CCSER1: variants seen among roughly 807,000 people sequenced by gnomAD.
CCSER1 encodes coiled-coil serine rich protein 1.
In CCSER1, 41 loss-of-function variants were observed where a neutral mutation model predicts 82.0. That is an observed-to-expected ratio of 0.50 (90% CI 0.39 to 0.65). The LOEUF is 0.65. CCSER1 is among the 30% of genes least tolerant of loss of function. The probability of loss-of-function intolerance (pLI) is 0.00; values close to 1 mark genes in which losing one functional copy is unlikely to be tolerated. For synonymous variants in CCSER1, 414 were observed against 383.9 expected (o/e 1.08, Z -0.92); for missense variants, 1,119 against 1,064.2 (o/e 1.05, Z -0.72).
chr4:90,784,948 C>T (rs1056487283), intron 7 of CCSER1, among the ~76,000 whole-genome samples: 3 of 152,114 alleles, frequency 2.0e-5, no homozygotes, highest in East Asian at 1.9e-4. Context: ...TCTTCATCCT[C>T]GTCACATTGA....
chr4:90,271,637 G>A (rs1409085116), intron 1 of CCSER1, among the ~76,000 whole-genome samples: 1 of 151,206 alleles, frequency 6.6e-6, no homozygotes, highest in African/African-American at 2.4e-5. Flanking sequence ...AAAAGTGGAC[G>A]AATGAGATCA....
rs984396701 is a variant in CCSER1, at chr4:90,537,744, T to A, written c.1724+69390T>A. On this transcript the variant is annotated intron_variant, in intron 5 of 10. Transcript: ENST00000509176. Reference sequence around the variant, plus strand: ...GGGGTTTTATACAACAGTGCTAGTTTAGTTGTTCCTTCTTCTTTCAATATA... The same window carrying A: ...GGGGTTTTATACAACAGTGCTAGTTAAGTTGTTCCTTCTTCTTTCAATATA... Among the ~76,000 whole-genome samples the A allele has an allele frequency of 3.3e-5, 5 of 152,174 alleles. No homozygotes were observed. The East Asian group carries it at 9.6e-4, about 29-fold the overall frequency.
intron 10 of CCSER1, among the ~76,000 whole-genome samples, chr4:91,526,976 C>T (rs1760799083): frequency 6.6e-6 from 1 of 152,016 alleles, no homozygotes; most frequent in Admixed American, 6.6e-5. Flanking sequence ...GTCATTAGGC[C>T]AGCTCTGAGA....
At chr4:90,195,663 G>C (rs543594094) in intron 1 of CCSER1, among the ~76,000 whole-genome samples, 1 of 152,112 alleles carries the variant, frequency 6.6e-6, no homozygotes, top group African/African-American at 2.4e-5. Flanking sequence ...GGGTATATGG[G>C]AAATCTCTAT....
chr4:90,923,879 T>A (rs1438619016), intron 9 of CCSER1, among the ~76,000 whole-genome samples: 1 of 152,228 alleles, frequency 6.6e-6, no homozygotes, highest in Non-Finnish European at 1.5e-5. Flanking sequence ...AAATTTAAAA[T>A]AATGTTTTAG....
intron 10 of CCSER1, among the ~76,000 whole-genome samples, chr4:91,415,465 AG>A (rs1196840753): frequency 6.6e-6 from 1 of 152,074 alleles, no homozygotes; most frequent in Non-Finnish European, 1.5e-5. Flanking sequence ...AAGCATGGTA[AG>A]GGAGGGCATC....
intron 7 of CCSER1, among the ~76,000 whole-genome samples, chr4:90,795,581 A>G (rs1043233943): frequency 6.6e-6 from 1 of 152,154 alleles, no homozygotes; most frequent in African/African-American, 2.4e-5. Flanking sequence ...CTGGTTTTTC[A>G]GGAGAATGCT....
At chr4:91,538,214 C>T (rs1761395550) in intron 10 of CCSER1, among the ~76,000 whole-genome samples, 2 of 151,906 alleles carry the variant, frequency 1.3e-5, no homozygotes, top group African/African-American at 4.8e-5. Flanking sequence ...AAAAGATGAA[C>T]TTCATAGATA....
At chr4:91,226,997 C>T (rs146084276) in intron 10 of CCSER1, among the ~76,000 whole-genome samples, 26 of 151,958 alleles carry the variant, frequency 1.7e-4, no homozygotes, top group African/African-American at 5.5e-4. Context: ...AATTGATCCA[C>T]ATCTATTAGC....
chr4:90,839,164 C>T, intron 8 of CCSER1: 1 of 742,576 alleles, frequency 1.3e-6, no homozygotes. Context: ...TTGCTAACTT[C>T]TTTGAGAAAT....
chr4:91,534,344 G>C (rs942172140), intron 10 of CCSER1, among the ~76,000 whole-genome samples: 5 of 151,844 alleles, frequency 3.3e-5, no homozygotes, highest in Non-Finnish European at 5.9e-5. Flanking sequence ...AAGTTATAAT[G>C]GTTTTAAGTA....
chr4:90,501,699 G>A (rs116590788), intron 5 of CCSER1, among the ~76,000 whole-genome samples: 1,779 of 152,218 alleles, frequency 0.012, 13 homozygotes, highest in South Asian at 0.022. Context: ...CTATGTTGTT[G>A]TGGAAAACAT....
chr4:91,356,919 C>A (rs1748873910), intron 10 of CCSER1, among the ~76,000 whole-genome samples: 1 of 152,144 alleles, frequency 6.6e-6, no homozygotes, highest in South Asian at 2.1e-4. Flanking sequence ...CCATACAGCC[C>A]ACGCCTGGTC....
chr4:91,260,482 T>C (rs1006808716), intron 10 of CCSER1, among the ~76,000 whole-genome samples: 1 of 152,204 alleles, frequency 6.6e-6, no homozygotes, highest in Non-Finnish European at 1.5e-5. Context: ...TCCCACTGTA[T>C]AGATGAAGCA....
intron 5 of CCSER1, among the ~76,000 whole-genome samples, chr4:90,531,403 T>C (rs1267641950): frequency 6.6e-6 from 1 of 151,744 alleles, no homozygotes; most frequent in Non-Finnish European, 1.5e-5. Flanking sequence ...TTTCTTTTTT[T>C]TTTTTTTTTT....
intron 1 of CCSER1, among the ~76,000 whole-genome samples, chr4:90,233,818 A>G (rs1404578721): frequency 1.3e-5 from 2 of 152,110 alleles, no homozygotes; most frequent in Admixed American, 1.3e-4. Flanking sequence ...TTCTATTAAT[A>G]TGTTTCAATA....
intron 10 of CCSER1, among the ~76,000 whole-genome samples, chr4:91,351,571 G>T (rs1748472905): frequency 6.6e-6 from 1 of 152,126 alleles, no homozygotes; most frequent in South Asian, 2.1e-4. Context: ...TGGGACGAGA[G>T]TTATGCCAAC....
intron 9 of CCSER1, among the ~76,000 whole-genome samples, chr4:90,957,264 G>A (rs1407060732): frequency 7.2e-6 from 1 of 138,600 alleles, no homozygotes; most frequent in African/African-American, 2.7e-5. Flanking sequence ...ACCACGTCCA[G>A]CTAATTTTTT....
At chr4:91,379,231 G>T (rs977470418) in intron 10 of CCSER1, among the ~76,000 whole-genome samples, 2 of 152,102 alleles carry the variant, frequency 1.3e-5, no homozygotes, top group African/African-American at 4.8e-5. Flanking sequence ...TTGTGTCTCT[G>T]TCAGGCTTTG....
Sources: allele counts gnomAD v4.1 joint callset (sites outside exome capture counted in the v4.1 genomes callset), GRCh38; gene constraint gnomAD v4.1.1; transcripts MANE v1.5; gene names NCBI Gene and HGNC (gene_info 2026-07-23, HGNC 2026-07-21).